Variants in VPS13D observed in about 807,000 individuals in gnomAD.
The protein encoded by VPS13D is intermembrane lipid transfer protein VPS13D.
Under a neutral mutation model 461.9 loss-of-function variants are expected in VPS13D, and 187 were observed. The ratio of observed to expected loss-of-function variants is 0.40; its 90% CI spans 0.36 to 0.46. The LOEUF is 0.46. Among genes scored for constraint, VPS13D ranks in the 20% least tolerant of loss-of-function variants. The pLI is 0.60. For missense variants in VPS13D, 4,711 were observed against 5,364.9 expected, an observed-to-expected ratio of 0.88 and a Z score of 3.81; for synonymous variants, 1,951 against 1,986.3, an observed-to-expected ratio of 0.98 and a Z score of 0.47.
At chr1:12,296,801 G>A (rs1396246842) in intron 24 of VPS13D, among the ~76,000 whole-genome samples, 1 of 152,128 alleles carries the variant, frequency 6.6e-6, no homozygotes, top group Admixed American at 6.6e-5. Flanking sequence ...ATTTAAAACA[G>A]TTATTTTTAC....
chr1:12,320,051 A>G (rs1233387608), intron 32 of VPS13D, among the ~76,000 whole-genome samples: 1 of 152,206 alleles, frequency 6.6e-6, no homozygotes, highest in African/African-American at 2.4e-5. Context: ...TTGGGAAGGG[A>G]AACCTATTTA....
At chr1:12,389,360 T>G (rs1422271911) in intron 60 of VPS13D, among the ~76,000 whole-genome samples, 1 of 152,112 alleles carries the variant, frequency 6.6e-6, no homozygotes, top group African/African-American at 2.4e-5. Context: ...CCATCACAAG[T>G]CCACCCTTTG....
intron 67 of VPS13D, among the ~76,000 whole-genome samples, chr1:12,479,486 G>T (rs769819619): frequency 6.6e-6 from 1 of 152,210 alleles, no homozygotes; most frequent in African/African-American, 2.4e-5. Flanking sequence ...GCATGGTATC[G>T]CTGTCATTAG....
chr1:12,257,875 T>G, intron 9 of VPS13D, 60 bp from the exon 10 acceptor site: 13 of 1,594,870 alleles, frequency 8.2e-6, no homozygotes. Flanking sequence ...TGTCCTGGAT[T>G]GGTAGCCTTT....
chr1:12,508,809 G>A, intron 69 of VPS13D, 84 bp from the exon 70 acceptor site: 1 of 1,485,488 alleles, frequency 6.7e-7, no homozygotes, highest in Non-Finnish European at 9.2e-7. Flanking sequence ...GATGCAGCTG[G>A]GCTGGGAGCC....
At chr1:12,375,717 G>A (rs935757488) in intron 55 of VPS13D, among the ~76,000 whole-genome samples, 1 of 152,124 alleles carries the variant, frequency 6.6e-6, no homozygotes, top group Non-Finnish European at 1.5e-5. Flanking sequence ...ACCTCCCTCT[G>A]TGATGCTCCC....
At chr1:12,235,722 T>C (rs774554176) in intron 2 of VPS13D, among the ~76,000 whole-genome samples, 9 of 152,234 alleles carry the variant, frequency 5.9e-5, no homozygotes, top group Non-Finnish European at 8.8e-5. Context: ...TTTCCTCTTG[T>C]CCTGAAACGG....
intron 66 of VPS13D, among the ~76,000 whole-genome samples, chr1:12,459,615 A>G (rs920707345): frequency 3.3e-5 from 5 of 151,456 alleles, no homozygotes; most frequent in Admixed American, 2.6e-4. Context: ...AGTAGCTGGG[A>G]CTACAGGCAC....
At chr1:12,243,989 G>C (rs1640465279) in intron 3 of VPS13D, among the ~76,000 whole-genome samples, 1 of 152,180 alleles carries the variant, frequency 6.6e-6, no homozygotes, top group Non-Finnish European at 1.5e-5. Context: ...AGTTTCTAGA[G>C]GAGGGATGTT....
chr1:12,461,026 A>C (rs935570771), intron 67 of VPS13D, among the ~76,000 whole-genome samples: 1 of 152,224 alleles, frequency 6.6e-6, no homozygotes, highest in Non-Finnish European at 1.5e-5. Context: ...GGGACAGCCC[A>C]TATGGTTCCA....
At chr1:12,305,968 CTATTTTTATTTT>C (rs369743535) in intron 26 of VPS13D, among the ~76,000 whole-genome samples, 3,004 of 151,750 alleles carry the variant, frequency 0.02, 128 homozygotes, top group Admixed American at 0.11. Flanking sequence ...TTTTATTTTT[CTATTTTTATTTT>C]TATTTTTATT....
chr1:12,381,975 TTTCTTTC>T (rs1644285636), intron 57 of VPS13D, among the ~76,000 whole-genome samples: 1 of 142,878 alleles, frequency 7.0e-6, no homozygotes, highest in African/African-American at 2.7e-5. Context: ...TCTTTCTTTC[TTTCTTTC>T]TCTCTCTCTC....
chr1:12,388,221 A>C (rs1332257615), intron 60 of VPS13D, among the ~76,000 whole-genome samples: 1 of 152,172 alleles, frequency 6.6e-6, no homozygotes, highest in African/African-American at 2.4e-5. Flanking sequence ...AACAGCATAA[A>C]CTCTTAAAGC....
chr1:12,254,981 G>A (rs1640868880), intron 7 of VPS13D, among the ~76,000 whole-genome samples: 2 of 147,644 alleles, frequency 1.4e-5, no homozygotes, highest in African/African-American at 2.5e-5. Flanking sequence ...CATCTCGCTC[G>A]GTTGCCCGGG....
chr1:12,239,798 T>C (rs1013639223), intron 2 of VPS13D, among the ~76,000 whole-genome samples: 23 of 152,180 alleles, frequency 1.5e-4, no homozygotes, highest in Non-Finnish European at 2.9e-4. Context: ...GATTTCTTGC[T>C]AGCCTGAGAT....
At chr1:12,346,456 G>A (rs1643678757) in intron 43 of VPS13D, 149 bp from the exon 44 acceptor site, 3 of 697,846 alleles carry the variant, frequency 4.3e-6, no homozygotes, top group South Asian at 2.0e-5. Flanking sequence ...ATATCTTTAA[G>A]AGGAGATGTT....
Position 12,277,869 on chromosome 1 carries a change from G to A in VPS13D, c.4281G>A (p.Lys1427=). 6.2e-7 allele frequency: 1 copy of A among 1,614,114 alleles called. No homozygotes were observed. ...GTGACCGTCTGCAGGTGGAAATCAA[G>A]GACATTAAACTGTATTCTTTGAATT... ...SRSDRLQVEI[K]DIKLYSLNCT... The change falls in exon 19 of 70, where the codon AAG becomes AAA. Residue 1427 remains lysine (K), a synonymous_variant. Transcript: ENST00000620676.
intron 65 of VPS13D, among the ~76,000 whole-genome samples, chr1:12,451,939 G>T (rs955551533): frequency 6.6e-6 from 1 of 152,186 alleles, no homozygotes; most frequent in Non-Finnish European, 1.5e-5. Context: ...CAGCATCTTT[G>T]TAGGGAATAT....
intron 62 of VPS13D, chr1:12,402,701 A>G (rs923638292): frequency 6.6e-6 from 1 of 152,248 alleles, no homozygotes; most frequent in Non-Finnish European, 1.5e-5. Flanking sequence ...CCTGCCTGCC[A>G]GGTATCCATT....
Sources: allele counts gnomAD v4.1 joint callset (sites outside exome capture counted in the v4.1 genomes callset), GRCh38; gene constraint gnomAD v4.1.1; transcripts MANE v1.5; gene names NCBI Gene and HGNC (gene_info 2026-07-23, HGNC 2026-07-21).